The following TACR1 variants were observed in gnomAD, a reference collection of about 807,000 sequenced individuals.
The protein encoded by TACR1 is tachykinin receptor 1.
In TACR1, 25 loss-of-function variants were observed where a neutral mutation model predicts 35.8. The ratio of observed to expected loss-of-function variants is 0.70; its 90% CI spans 0.51 to 0.98. The LOEUF is 0.98. Among genes scored for constraint, TACR1 ranks in the 50% least tolerant of loss-of-function variants. The pLI, the probability that TACR1 is intolerant of heterozygous loss-of-function variation, is 0.00. For synonymous variants in TACR1, 195 were observed against 206.7 expected (o/e 0.94, Z 0.48); for missense variants, 478 against 522.9 (o/e 0.91, Z 0.84).
At chr2:75,175,097 A>G (rs2104027397) in intron 1 of TACR1, among the ~76,000 whole-genome samples, 1 of 152,340 alleles carries the variant, frequency 6.6e-6, no homozygotes, top group Non-Finnish European at 1.5e-5. Context: ...AAGTCCTCAG[A>G]TATGAATTCC....
At chr2:75,104,546 A>G (rs1475300766) in intron 2 of TACR1, among the ~76,000 whole-genome samples, 1 of 152,102 alleles carries the variant, frequency 6.6e-6, no homozygotes, top group African/African-American at 2.4e-5. Flanking sequence ...TACCTGACAG[A>G]CATATATGGC....
intron 2 of TACR1, among the ~76,000 whole-genome samples, chr2:75,095,826 T>C (rs969322506): frequency 6.6e-5 from 10 of 152,268 alleles, no homozygotes; most frequent in Non-Finnish European, 1.3e-4. Flanking sequence ...CTGTCCCTTC[T>C]GTGTGCCCTT....
At chr2:75,158,369 C>A (rs1401462971) in intron 1 of TACR1, among the ~76,000 whole-genome samples, 1 of 152,150 alleles carries the variant, frequency 6.6e-6, no homozygotes, top group African/African-American at 2.4e-5. Context: ...ATTATGTATT[C>A]CCAGTGTCTG....
chr2:75,099,149 G>T (rs1460982492), intron 2 of TACR1, among the ~76,000 whole-genome samples: 1 of 152,040 alleles, frequency 6.6e-6, no homozygotes, highest in African/African-American at 2.4e-5. Flanking sequence ...CTGGCTCGGA[G>T]CCTCCCTCAC....
intron 2 of TACR1, among the ~76,000 whole-genome samples, chr2:75,104,891 G>A (rs1239404708): frequency 6.6e-6 from 1 of 152,086 alleles, no homozygotes; most frequent in Non-Finnish European, 1.5e-5. Context: ...GATAACAAGT[G>A]TTGGAGAGGG....
chr2:75,173,721 C>T (rs1453105336), intron 1 of TACR1, among the ~76,000 whole-genome samples: 1 of 152,194 alleles, frequency 6.6e-6, no homozygotes, highest in African/African-American at 2.4e-5. Flanking sequence ...AATTACACTA[C>T]AATTATCTAC....
intron 1 of TACR1, among the ~76,000 whole-genome samples, chr2:75,180,465 G>T (rs1178378521): frequency 6.6e-6 from 1 of 152,180 alleles, no homozygotes; most frequent in Admixed American, 6.5e-5. Flanking sequence ...AATCTGGTCT[G>T]GTTGTAGCAC....
At chr2:75,080,451 G>A (rs1673064003) in intron 2 of TACR1, among the ~76,000 whole-genome samples, 2 of 152,100 alleles carry the variant, frequency 1.3e-5, no homozygotes, top group Admixed American at 6.6e-5. Flanking sequence ...CACAATCACT[G>A]TCCCATTGGG....
At chr2:75,141,642 A>G (rs1356232119) in intron 1 of TACR1, among the ~76,000 whole-genome samples, 1 of 152,166 alleles carries the variant, frequency 6.6e-6, no homozygotes, top group Non-Finnish European at 1.5e-5. Context: ...TCAATTTACA[A>G]ATATTTCTTG....
At chr2:75,151,783 G>GTAGACACTA (rs1047391657) in intron 1 of TACR1, among the ~76,000 whole-genome samples, 1 of 152,132 alleles carries the variant, frequency 6.6e-6, no homozygotes, top group African/African-American at 2.4e-5. Context: ...GGAAAAGGCT[G>GTAGACACTA]TAGACACTCA....
At chr2:75,070,670 T>G (rs1472382983) in intron 2 of TACR1, among the ~76,000 whole-genome samples, 2 of 152,202 alleles carry the variant, frequency 1.3e-5, no homozygotes, top group Non-Finnish European at 2.9e-5. Flanking sequence ...GGTTCAAGAA[T>G]TTTTACTCAT....
At chr2:75,111,743 G>A (rs1673753375) in intron 2 of TACR1, among the ~76,000 whole-genome samples, 1 of 151,932 alleles carries the variant, frequency 6.6e-6, no homozygotes, top group African/African-American at 2.4e-5. Flanking sequence ...TAAGAAAGGA[G>A]ACAGTAAGAA....
chr2:75,188,807 C>G (rs148322028), intron 1 of TACR1: 1 of 152,330 alleles, frequency 6.6e-6, no homozygotes, highest in East Asian at 1.9e-4. Context: ...GAAAGCTGCT[C>G]TGTAGACCTT....
rs771031620 is a variant in TACR1, at chr2:75,051,233, T to C, written c.932+18A>G. Reference sequence around the variant, plus strand: ...GGTCTTGTGGCCCCTGGAGAGCTCATGGGGTTGGGATCCTCACCTGTCATT... The same window carrying C: ...GGTCTTGTGGCCCCTGGAGAGCTCACGGGGTTGGGATCCTCACCTGTCATT... On this transcript the variant is annotated intron_variant, in intron 4 of 4. Coordinates refer to ENST00000305249, the MANE Select transcript of TACR1 (RefSeq NM_001058.4). 3 of 1,614,062 alleles carry C rather than the reference T, an allele frequency of 1.9e-6. No homozygotes were observed. The South Asian group carries it at 3.3e-5, about 18-fold the overall frequency.
chr2:75,138,643 C>T (rs979733762), intron 1 of TACR1, among the ~76,000 whole-genome samples: 1 of 152,146 alleles, frequency 6.6e-6, no homozygotes, highest in African/African-American at 2.4e-5. Context: ...AAACAAGCTT[C>T]TGCTGGGTGG....
At chr2:75,071,054 C>G (rs958459007) in intron 2 of TACR1, among the ~76,000 whole-genome samples, 1 of 152,112 alleles carries the variant, frequency 6.6e-6, no homozygotes, top group Non-Finnish European at 1.5e-5. Context: ...GTCCTTGGAA[C>G]ACAGTCATGC....
intron 2 of TACR1, among the ~76,000 whole-genome samples, chr2:75,094,271 A>G (rs1210297258): frequency 1.3e-5 from 2 of 152,238 alleles, no homozygotes; most frequent in African/African-American, 2.4e-5. Flanking sequence ...TAAATGTTCC[A>G]TAAATACTCT....
In TACR1 at chr2:75,051,426, C is replaced by G. The variant is rs17838409; in HGVS notation, c.757G>C (p.Val253Leu). Reference protein sequence around the residue: ...KRKVVKMMIVVVCTFAICWLP... With the variant: ...KRKVVKMMIVLVCTFAICWLP... ...CAGCAGATGGCGAAGGTGCACACCA[C>G]GACAATCATCATTTTGACCACCTGG... The change falls in exon 4 of 5, where the codon GTG becomes CTG. Residue 253 changes from valine (V) to leucine (L), a missense_variant. Coordinates refer to ENST00000305249, the MANE Select transcript of TACR1 (RefSeq NM_001058.4). 1 of 1,614,040 alleles carries G rather than the reference C, an allele frequency of 6.2e-7. No homozygotes were observed. Among genetic ancestry groups the G allele is most frequent in the East Asian group, 2.2e-5 (1 of 44,888 alleles).
intron 1 of TACR1, among the ~76,000 whole-genome samples, chr2:75,174,181 C>T (rs150313816): frequency 6.3e-4 from 96 of 152,296 alleles, no homozygotes; most frequent in African/African-American, 2.1e-3. Flanking sequence ...ATTGTTATGA[C>T]ATCCACTGCA....
Sources: allele counts gnomAD v4.1 joint callset (sites outside exome capture counted in the v4.1 genomes callset), GRCh38; gene constraint gnomAD v4.1.1; transcripts MANE v1.5; gene names NCBI Gene and HGNC (gene_info 2026-07-23, HGNC 2026-07-21).